The following NFIA variants were observed in gnomAD, a reference collection of about 807,000 sequenced individuals.
The protein encoded by NFIA is nuclear factor 1 A-type.
A neutral mutation model predicts 62.8 loss-of-function variants in NFIA; 8 were observed. That is an observed-to-expected ratio of 0.13 (90% CI 0.07 to 0.23). The LOEUF (loss-of-function observed/expected upper bound fraction) is 0.23. Ranked by LOEUF, NFIA falls within the 10% of genes least tolerant of loss-of-function variation. The probability of loss-of-function intolerance (pLI) is 1.00; values close to 1 mark genes in which losing one functional copy is unlikely to be tolerated. For synonymous variants in NFIA, 235 were observed against 238.1 expected (o/e 0.99, Z 0.12); for missense variants, 410 against 642.1 (o/e 0.64, Z 3.91).
rs150640541 is a variant in NFIA at position 61,381,236 on chromosome 1, G to T, written c.947-2001G>T. On this transcript the variant is annotated intron_variant, in intron 6 of 10. Transcript: ENST00000403491. ...TGGAATGGTTGGCAGCCTATAAATT[G>T]GTCTACACAAAAAGGTTTAAATGAG... is the stretch of plus-strand genomic sequence containing the variant. 1.1e-4 allele frequency among the ~76,000 whole-genome samples: 16 copies of T among 152,220 alleles called. No individual in the cohort carries two copies. The East Asian group carries it at 2.5e-3, about 24-fold the overall frequency.
At chr1:61,077,390 CAG>C, upstream of NFIA, 1 of 393,150 alleles carries the variant, frequency 2.5e-6, no homozygotes, top group East Asian at 3.6e-5. Flanking sequence ...GAGAGCGAGA[CAG>C]TGAGAGAGGG....
chr1:61,262,761 G>T (rs2100242429), intron 2 of NFIA, among the ~76,000 whole-genome samples: 1 of 152,254 alleles, frequency 6.6e-6, no homozygotes, highest in East Asian at 1.9e-4. Context: ...AGAAAGAATT[G>T]TCTCAAAGTT....
In NFIA at chr1:61,088,246, A is replaced by G; in HGVS notation, c.125A>G (p.Lys42Arg). Residue 42 changes from lysine to arginine, a missense_variant, in exon 2 of 11, where the codon AAA becomes AGA. Lys to Arg is a conservative substitution (Grantham distance 26). Coordinates refer to ENST00000403491, the MANE Select transcript of NFIA (RefSeq NM_001134673.4). The surrounding 1 kb of genome is among the most constrained non-coding windows in gnomAD (Gnocchi z 4.5). Reference sequence around the variant, plus strand: ...CAGGCCCGAAAACGAAAATACTTCAAAAAACATGAAAAGCGTATGTCAAAA... The same window carrying G: ...CAGGCCCGAAAACGAAAATACTTCAGAAAACATGAAAAGCGTATGTCAAAA... ...NLQARKRKYF[K>R]KHEKRMSKEE... 6.2e-7 allele frequency: 1 copy of G among 1,613,702 alleles called. No homozygotes were observed. Among genetic ancestry groups the G allele is most frequent in the Non-Finnish European group, 8.5e-7 (1 of 1,179,952 alleles).
At chr1:61,085,728 A>G (rs548955929) in intron 1 of NFIA, among the ~76,000 whole-genome samples, 21 of 152,318 alleles carry the variant, frequency 1.4e-4, no homozygotes, top group African/African-American at 5.0e-4. Context: ...AAAGTTATAC[A>G]AAATATTGTG....
chr1:61,413,061 G>A (rs1666175350), intron 9 of NFIA, among the ~76,000 whole-genome samples: 3 of 151,862 alleles, frequency 2.0e-5, no homozygotes, highest in African/African-American at 4.8e-5. Flanking sequence ...TAATTAAGTA[G>A]GAACACAAAA....
intron 10 of NFIA, among the ~76,000 whole-genome samples, chr1:61,451,081 C>T (rs758647443): frequency 6.6e-6 from 1 of 152,088 alleles, no homozygotes; most frequent in Non-Finnish European, 1.5e-5. Flanking sequence ...CTCTGTGAGG[C>T]GTACGAAATG....
At chr1:61,393,283 C>CGGT (rs1231530782) in intron 7 of NFIA, among the ~76,000 whole-genome samples, 1 of 88,934 alleles carries the variant, frequency 1.1e-5, no homozygotes, top group Non-Finnish European at 2.0e-5. Flanking sequence ...CTCTCTCTCT[C>CGGT]TCTCTCTCCC....
chr1:61,361,207 C>T (rs528283599), intron 6 of NFIA, among the ~76,000 whole-genome samples: 70 of 152,278 alleles, frequency 4.6e-4, no homozygotes, highest in African/African-American at 1.6e-3. Context: ...ATCTTTTCTC[C>T]GAATTCGTGT....
At chr1:61,341,358 C>G (rs1557718322) in intron 4 of NFIA, among the ~76,000 whole-genome samples, 1 of 152,028 alleles carries the variant, frequency 6.6e-6, no homozygotes, top group Non-Finnish European at 1.5e-5. Context: ...GCCCATGTAC[C>G]AGCATTCTTA....
chr1:61,082,500 C>T, upstream of NFIA: 2 of 1,203,810 alleles, frequency 1.7e-6, no homozygotes, highest in African/African-American at 3.2e-5. Flanking sequence ...AAAGGGTGCG[C>T]TATGCCTTTA....
chr1:61,305,036 TC>T (rs1266621642), intron 3 of NFIA, among the ~76,000 whole-genome samples: 2 of 152,174 alleles, frequency 1.3e-5, no homozygotes, highest in Non-Finnish European at 2.9e-5. Context: ...GACTTACTGG[TC>T]CCTAACCAAA....
chr1:61,118,561 G>C (rs1238326548), intron 2 of NFIA, among the ~76,000 whole-genome samples: 4 of 152,128 alleles, frequency 2.6e-5, no homozygotes, highest in Non-Finnish European at 5.9e-5. Context: ...GAATAACTAA[G>C]AGGACCTGCT....
intron 10 of NFIA, among the ~76,000 whole-genome samples, chr1:61,440,267 C>G (rs1667516036): frequency 6.6e-6 from 1 of 152,268 alleles, no homozygotes; most frequent in East Asian, 1.9e-4. Context: ...TGTCCATGAT[C>G]ATTAACCAAG....
intron 2 of NFIA, among the ~76,000 whole-genome samples, chr1:61,105,718 A>T (rs1646584165): frequency 6.6e-6 from 1 of 151,878 alleles, no homozygotes; most frequent in African/African-American, 2.4e-5. Context: ...ATGTTTTTGT[A>T]TTTGAGAGAA....
At position 61,455,397 on chromosome 1, in the gene NFIA, C is replaced by T. The variant is rs1668254274; in HGVS notation, c.*77C>T. 1 of 1,611,050 alleles carries T rather than the reference C, an allele frequency of 6.2e-7. No homozygotes were observed. On this transcript the variant is annotated 3_prime_UTR_variant, in exon 11 of 11. Transcript: ENST00000403491. ...CTCTGTAACATGGACGCAACCTCAA[C>T]CCAGCGCAGTTACAACTTCACTATC...
chr1:61,245,721 A>C (rs1655598860), intron 2 of NFIA, among the ~76,000 whole-genome samples: 1 of 152,162 alleles, frequency 6.6e-6, no homozygotes, highest in Non-Finnish European at 1.5e-5. Flanking sequence ...ACTTTGGATT[A>C]TCACATTCTC....
At chr1:61,326,175 G>A (rs1437641612) in intron 3 of NFIA, among the ~76,000 whole-genome samples, 1 of 152,066 alleles carries the variant, frequency 6.6e-6, no homozygotes, top group Admixed American at 6.6e-5. Flanking sequence ...GGAGCTTTAT[G>A]GCCATGATGG....
rs548026202 is a variant in NFIA at position 61,156,004 on chromosome 1, G to T, written c.559+67324G>T. Among the ~76,000 whole-genome samples the T allele has an allele frequency of 1.7e-3, 256 of 152,284 alleles. 1 individual carries two copies. The highest frequency in any genetic ancestry group is 3.1e-3 in the Non-Finnish European group (209 of 68,038). ...AATGCAAAAATTAGCTCGGCGTTGC[G>T]TGCGCCTGTAGTCCCAGCTACTCGG... On this transcript the variant is annotated intron_variant, in intron 2 of 10. Coordinates refer to ENST00000403491, the MANE Select transcript of NFIA (RefSeq NM_001134673.4).
At position 61,281,366 on chromosome 1, in the gene NFIA, T is replaced by C. The variant is rs182461494; in HGVS notation, c.625+3781T>C. Among the ~76,000 whole-genome samples the C allele has an allele frequency of 3.0e-3, 460 of 152,294 alleles. 1 individual carries two copies. Among genetic ancestry groups the C allele is most frequent in the Admixed American group, 8.4e-3 (128 of 15,298 alleles). The stretch of plus-strand genomic sequence containing the variant: ...GTAAGGACTCAAAGGAAGGTTACCA[T>C]TACTACCTTCCAGTTAAAGCTTGTC... On this transcript the variant is annotated intron_variant, in intron 3 of 10. Coordinates refer to ENST00000403491, the MANE Select transcript of NFIA (RefSeq NM_001134673.4).
Sources: gnomAD v4.1 joint callset for allele counts (sites outside exome capture counted in the v4.1 genomes callset) on GRCh38, gnomAD v4.1.1 for gene constraint, Gnocchi (gnomAD v3.1) non-coding constraint, MANE v1.5 for transcripts, NCBI Gene and HGNC (gene_info 2026-07-23, HGNC 2026-07-21) for gene names.